The following NTM variants were observed in gnomAD, a reference collection of about 807,000 sequenced individuals.
The protein encoded by NTM is neurotrimin, also known as IgLON family member 2.
Under a neutral mutation model 42.1 loss-of-function variants are expected in NTM, and 13 were observed. The observed-to-expected ratio is 0.31, with a 90% CI of 0.20 to 0.49. NTM has a LOEUF of 0.49. Ranked by LOEUF, NTM falls within the 20% of genes least tolerant of loss-of-function variation. The probability of loss-of-function intolerance (pLI) is 0.99; values close to 1 mark genes in which losing one functional copy is unlikely to be tolerated. For missense variants in NTM, 373 were observed against 452.8 expected, an observed-to-expected ratio of 0.82 and a Z score of 1.60; for synonymous variants, 187 against 179.2, an observed-to-expected ratio of 1.04 and a Z score of -0.35.
chr11:132,022,879 A>C (rs747095692), intron 2 of NTM, among the ~76,000 whole-genome samples: 34 of 152,244 alleles, frequency 2.2e-4, no homozygotes, highest in Non-Finnish European at 3.5e-4. Flanking sequence ...TCAGTGCAAC[A>C]TGTGATAAAA....
At chr11:131,903,508 C>T (rs999106168) in intron 1 of NTM, among the ~76,000 whole-genome samples, 4 of 152,194 alleles carry the variant, frequency 2.6e-5, no homozygotes, top group African/African-American at 4.8e-5. Flanking sequence ...ACTCTTCCGT[C>T]GCTTGCCTCA....
chr11:132,191,424 T>C (rs1198051590), intron 3 of NTM, among the ~76,000 whole-genome samples: 3 of 152,192 alleles, frequency 2.0e-5, no homozygotes, highest in African/African-American at 7.2e-5. Flanking sequence ...AGCTGAGCCT[T>C]GGCCCTCTGA....
At chr11:131,787,521 G>T (rs1324774980) in intron 1 of NTM, among the ~76,000 whole-genome samples, 1 of 151,818 alleles carries the variant, frequency 6.6e-6, no homozygotes, top group African/African-American at 2.4e-5. Context: ...GAGTAGCTGG[G>T]GCTACAGGCA....
chr11:131,540,251 G>A (rs1035644245), intron 1 of NTM, among the ~76,000 whole-genome samples: 2 of 126,696 alleles, frequency 1.6e-5, no homozygotes, highest in East Asian at 2.7e-4. Flanking sequence ...TGCAACATCC[G>A]CCTCCTCAGT....
chr11:131,465,971 C>T (rs1352148504), intron 1 of NTM, among the ~76,000 whole-genome samples: 2 of 152,208 alleles, frequency 1.3e-5, no homozygotes, highest in Non-Finnish European at 2.9e-5. Context: ...CCTTTGAGCG[C>T]CCCTTCAGGG....
At chr11:131,449,173 G>A (rs755216069) in intron 1 of NTM, among the ~76,000 whole-genome samples, 4 of 152,202 alleles carry the variant, frequency 2.6e-5, no homozygotes, top group Non-Finnish European at 5.9e-5. Context: ...TCATCAGCAC[G>A]GACACCGTGG....
At chr11:131,457,885 G>A (rs574376588) in intron 1 of NTM, among the ~76,000 whole-genome samples, 15 of 152,156 alleles carry the variant, frequency 9.9e-5, no homozygotes, top group African/African-American at 3.4e-4. Context: ...CAATGAGAAG[G>A]CAGTGATCTG....
At chr11:131,747,578 T>C (rs1306740111) in intron 1 of NTM, among the ~76,000 whole-genome samples, 2 of 152,118 alleles carry the variant, frequency 1.3e-5, no homozygotes, top group Non-Finnish European at 2.9e-5. Context: ...GTGGTGTAAA[T>C]AAAATGCAAA....
intron 2 of NTM, among the ~76,000 whole-genome samples, chr11:132,136,106 G>T (rs1217538961): frequency 1.3e-5 from 2 of 152,218 alleles, no homozygotes; most frequent in Admixed American, 6.5e-5. Context: ...GAGAGGAGAG[G>T]CTTCTGTGGG....
chr11:132,202,867 C>T (rs2081367431), intron 3 of NTM, among the ~76,000 whole-genome samples: 1 of 152,038 alleles, frequency 6.6e-6, no homozygotes, highest in Non-Finnish European at 1.5e-5. Context: ...AGGTTTTTTT[C>T]CTAGAGCTTC....
At chr11:131,487,154 C>A (rs536980581) in intron 1 of NTM, among the ~76,000 whole-genome samples, 1 of 152,282 alleles carries the variant, frequency 6.6e-6, no homozygotes, top group Non-Finnish European at 1.5e-5. Context: ...CATCCCTGGG[C>A]CCCTGGAAGC....
intron 1 of NTM, among the ~76,000 whole-genome samples, chr11:131,463,269 G>A (rs577006009): frequency 2.0e-4 from 31 of 152,326 alleles, no homozygotes; most frequent in Non-Finnish European, 4.0e-4. Flanking sequence ...TGCCTTAAAC[G>A]ACAACAGCAG....
At chr11:132,155,571 A>G (rs1328674702) in intron 3 of NTM, among the ~76,000 whole-genome samples, 1 of 145,594 alleles carries the variant, frequency 6.9e-6, no homozygotes, top group Admixed American at 6.8e-5. Flanking sequence ...TGGCCTTCTG[A>G]CCTGGTGCTC....
intron 3 of NTM, among the ~76,000 whole-genome samples, chr11:132,163,481 C>T (rs911034174): frequency 6.6e-6 from 1 of 152,250 alleles, no homozygotes; most frequent in Non-Finnish European, 1.5e-5. Flanking sequence ...GCTCATTATG[C>T]ACACTGTGTC....
At chr11:131,685,254 C>T (rs1013056536) in intron 1 of NTM, among the ~76,000 whole-genome samples, 4 of 152,172 alleles carry the variant, frequency 2.6e-5, no homozygotes, top group African/African-American at 4.8e-5. Context: ...TCAGTCCTTC[C>T]TGATGCACTC....
intron 2 of NTM, among the ~76,000 whole-genome samples, chr11:132,058,319 ATGGGGCAGTGCTC>A (rs1229091741): frequency 1.3e-5 from 2 of 152,102 alleles, no homozygotes; most frequent in African/African-American, 4.8e-5. Flanking sequence ...GGAATGTGCT[ATGGGGCAGTGCTC>A]TGGTCCTGGC....
intron 1 of NTM, among the ~76,000 whole-genome samples, chr11:131,388,181 G>A (rs1049201673): frequency 5.3e-5 from 8 of 152,208 alleles, no homozygotes; most frequent in African/African-American, 1.2e-4. Context: ...AGTGTCTCTC[G>A]AATACTCTCA....
intron 1 of NTM, among the ~76,000 whole-genome samples, chr11:131,586,268 T>C (rs753052053): frequency 2.0e-5 from 3 of 152,084 alleles, no homozygotes; most frequent in Non-Finnish European, 4.4e-5. Context: ...GACAAAGTCT[T>C]ACTATGTAGC....
intron 7 of NTM, among the ~76,000 whole-genome samples, chr11:132,322,360 A>C (rs2095588976): frequency 6.6e-6 from 1 of 150,602 alleles, no homozygotes; most frequent in African/African-American, 2.4e-5. Flanking sequence ...GAAAAGAAAA[A>C]AAGGCAGGGG....
Sources: gnomAD v4.1 joint callset for allele counts (sites outside exome capture counted in the v4.1 genomes callset) on GRCh38, gnomAD v4.1.1 for gene constraint, MANE v1.5 for transcripts, NCBI Gene and HGNC (gene_info 2026-07-23, HGNC 2026-07-21) for gene names.